The following CEP85L variants were observed in gnomAD, a reference collection of about 807,000 sequenced individuals.
CEP85L encodes centrosomal protein of 85 kDa-like.
In CEP85L, 60 loss-of-function variants were observed where a neutral mutation model predicts 100.3. The observed-to-expected ratio is 0.60, with a 90% CI of 0.49 to 0.74. The LOEUF is 0.74. Ranked by LOEUF, CEP85L falls within the 30% of genes least tolerant of loss-of-function variation. The probability of loss-of-function intolerance (pLI) is 0.00; values close to 1 mark genes in which losing one functional copy is unlikely to be tolerated. For synonymous variants in CEP85L, 319 were observed against 322.7 expected, an observed-to-expected ratio of 0.99 and a Z score of 0.12; for missense variants, 973 against 936.2, an observed-to-expected ratio of 1.04 and a Z score of -0.51.
chr6:118,701,244 G>C (rs1562366403), intron 1 of CEP85L, among the ~76,000 whole-genome samples: 1 of 152,158 alleles, frequency 6.6e-6, no homozygotes, highest in Non-Finnish European at 1.5e-5. Flanking sequence ...AAAGAACTTA[G>C]AGCTACTATT....
At chr6:118,691,546 A>AG (rs1777045035) in intron 1 of CEP85L, among the ~76,000 whole-genome samples, 2 of 150,728 alleles carry the variant, frequency 1.3e-5, no homozygotes, top group Middle Eastern at 3.5e-3. Flanking sequence ...AAAAAAAAAA[A>AG]AAAGAAAGAA....
At chr6:118,555,341 T>C (rs1257844896) in intron 3 of CEP85L, among the ~76,000 whole-genome samples, 1 of 148,356 alleles carries the variant, frequency 6.7e-6, no homozygotes, top group African/African-American at 2.5e-5. Context: ...GGCAGGAGAA[T>C]GGCGTGAACC....
chr6:118,629,562 C>T (rs1774010412), intron 2 of CEP85L, among the ~76,000 whole-genome samples: 1 of 152,198 alleles, frequency 6.6e-6, no homozygotes, highest in Non-Finnish European at 1.5e-5. Context: ...ACAGAACCCT[C>T]ATGTATTGCT....
chr6:118,522,615 T>A (rs1445161764), intron 4 of CEP85L, among the ~76,000 whole-genome samples: 1 of 152,162 alleles, frequency 6.6e-6, no homozygotes, highest in Non-Finnish European at 1.5e-5. Flanking sequence ...TGGTGACTCA[T>A]GTTTGTAATC....
intron 5 of CEP85L, among the ~76,000 whole-genome samples, chr6:118,500,957 G>A (rs770938207): frequency 6.6e-6 from 1 of 152,094 alleles, no homozygotes; most frequent in African/African-American, 2.4e-5. Flanking sequence ...TTCTCCACAT[G>A]GTCTTGATCT....
intron 1 of CEP85L, among the ~76,000 whole-genome samples, chr6:118,672,840 A>G (rs570651780): frequency 2.6e-5 from 4 of 151,568 alleles, no homozygotes; most frequent in African/African-American, 4.8e-5. Flanking sequence ...AGGAGGAGGA[A>G]GAGGAGGAGG....
intron 6 of CEP85L, among the ~76,000 whole-genome samples, chr6:118,484,433 CA>C: frequency 1.3e-5 from 2 of 152,270 alleles, no homozygotes; most frequent in Middle Eastern, 3.4e-3. Flanking sequence ...TGTCATCAAC[CA>C]GGGGGCAGTA....
chr6:118,479,748 C>A, intron 10 of CEP85L, 123 bp downstream of exon 10: 1 of 460,564 alleles, frequency 2.2e-6, no homozygotes, highest in Non-Finnish European at 3.8e-6. Context: ...GCAACTTTAC[C>A]TCAGTGCTAT....
At chr6:118,655,575 A>G (rs1282553918), upstream of CEP85L, among the ~76,000 whole-genome samples, 1 of 152,230 alleles carries the variant, frequency 6.6e-6, no homozygotes, top group Non-Finnish European at 1.5e-5. Context: ...CTGGAACAGT[A>G]AATAGAAGGT....
At chr6:118,477,785 C>T (rs1480525660) in intron 10 of CEP85L, among the ~76,000 whole-genome samples, 1 of 152,048 alleles carries the variant, frequency 6.6e-6, no homozygotes, top group African/African-American at 2.4e-5. Flanking sequence ...GAAAGAATAT[C>T]CCAACTATAG....
At chr6:118,585,645 A>G (rs557280878) in intron 2 of CEP85L, among the ~76,000 whole-genome samples, 6 of 152,338 alleles carry the variant, frequency 3.9e-5, no homozygotes, top group East Asian at 3.9e-4. Flanking sequence ...CAGCCAATGG[A>G]AAGTCCTTAA....
intron 3 of CEP85L, among the ~76,000 whole-genome samples, chr6:118,546,428 A>G (rs545785880): frequency 6.6e-6 from 1 of 152,306 alleles, no homozygotes; most frequent in South Asian, 2.1e-4. Context: ...CTATTTTCTT[A>G]GAATGAGAAG....
rs140335197 is a variant in CEP85L, at chr6:118,532,681, T to C, written c.1021-8761A>G. Among the ~76,000 whole-genome samples, 77 of 152,134 alleles carry C rather than the reference T, an allele frequency of 5.1e-4. No individual in the cohort carries two copies. The East Asian group carries it at 6.2e-3, about 12-fold the overall frequency. On this transcript the variant is annotated intron_variant, in intron 3 of 12. Transcript: ENST00000368491. ...AGTATCTGAATCATCATAGAAAGGA[T>C]TGGGGGAAAAGTAAGTCTACTCCTA... is the stretch of plus-strand genomic sequence containing the variant.
chr6:118,487,680 C>A (rs2114579651), intron 6 of CEP85L, among the ~76,000 whole-genome samples: 1 of 152,292 alleles, frequency 6.6e-6, no homozygotes, highest in South Asian at 2.1e-4. Flanking sequence ...GGGTGCTGTT[C>A]AGAAGACTGG....
rs77954019 is a variant in CEP85L, at chr6:118,627,987, G to C, written c.232+4466C>G. 4.9e-4 allele frequency among the ~76,000 whole-genome samples: 74 copies of C among 152,198 alleles called. 1 individual carries two copies. In the East Asian group the frequency reaches 0.014, roughly 29 times the overall value. On this transcript the variant is annotated intron_variant, in intron 2 of 12. Transcript: ENST00000368491. ...AGTAAAAACAGAAAAAAACTGAGAA[G>C]CATCTGTGAAGTTACAACCCAGGGG...
upstream of CEP85L, among the ~76,000 whole-genome samples, chr6:118,654,820 ATAGT>A (rs1432466904): frequency 1.3e-5 from 2 of 152,242 alleles, no homozygotes; most frequent in Admixed American, 6.5e-5. Flanking sequence ...TCTTTGTAAA[ATAGT>A]TAGAACAGTG....
intron 10 of CEP85L, among the ~76,000 whole-genome samples, chr6:118,472,862 C>A (rs1278780284): frequency 6.6e-6 from 1 of 152,104 alleles, no homozygotes; most frequent in African/African-American, 2.4e-5. Flanking sequence ...AGGTACTAAC[C>A]TACAAGGTCT....
At chr6:118,530,890 T>C (rs1444057480) in intron 3 of CEP85L, among the ~76,000 whole-genome samples, 1 of 149,814 alleles carries the variant, frequency 6.7e-6, no homozygotes, top group African/African-American at 2.4e-5. Flanking sequence ...CAACCCATGC[T>C]CTGGATAAGA....
chr6:118,676,099 T>C (rs2638549), intron 1 of CEP85L, among the ~76,000 whole-genome samples: 6,478 of 152,260 alleles, frequency 0.043, 241 homozygotes, highest in African/African-American at 0.097. Context: ...GCTTGAAATG[T>C]CTATTTTTAA....
Sources: gnomAD v4.1 joint callset for allele counts (sites outside exome capture counted in the v4.1 genomes callset) on GRCh38, gnomAD v4.1.1 for gene constraint, MANE v1.5 for transcripts, NCBI Gene and HGNC (gene_info 2026-07-23, HGNC 2026-07-21) for gene names.